TBC1D12: variants seen among roughly 807,000 people sequenced by gnomAD.
The protein encoded by TBC1D12 is TBC1 domain family, member 12.
Under a neutral mutation model 86.7 loss-of-function variants are expected in TBC1D12, and 56 were observed. The observed-to-expected ratio is 0.65, with a 90% CI of 0.52 to 0.81. The LOEUF (loss-of-function observed/expected upper bound fraction) is 0.81. TBC1D12 is among the 30% of genes least tolerant of loss of function. TBC1D12 has a pLI of 0.00. For synonymous variants in TBC1D12, 421 were observed against 411.7 expected (o/e 1.02, Z -0.27); for missense variants, 1,023 against 1,038.8 (o/e 0.98, Z 0.21).
chr10:94,529,219 G>A (rs558999035), intron 11 of TBC1D12, among the ~76,000 whole-genome samples: 2 of 152,210 alleles, frequency 1.3e-5, no homozygotes, highest in South Asian at 2.1e-4. Flanking sequence ...TGTTGCCCAG[G>A]CTGGCCTTGA....
intron 1 of TBC1D12, 55 bp downstream of exon 1, chr10:94,403,639 G>C (rs1217572756): frequency 2.3e-5 from 32 of 1,403,950 alleles, no homozygotes; most frequent in Non-Finnish European, 2.8e-5. Flanking sequence ...GGCCGGAGCC[G>C]GGGTCTTGGT....
intron 5 of TBC1D12, among the ~76,000 whole-genome samples, chr10:94,498,099 G>A (rs189724158): frequency 2.6e-4 from 39 of 152,222 alleles, no homozygotes; most frequent in Non-Finnish European, 4.9e-4. Context: ...GATTACAGGC[G>A]TGAGCCACCG....
Position 94,402,701 on chromosome 10 carries a change from A to G in TBC1D12, c.88A>G (p.Arg30Gly). 6.3e-7 allele frequency: 1 copy of G among 1,596,454 alleles called. No homozygotes were observed. The highest frequency in any genetic ancestry group is 1.7e-4 in the Middle Eastern group (1 of 5,948). ...TGCGCCGGACCCCGTGGGCCAGGAC[A>G]GGAAGGTAATCCGGGCCACGGGCGG... Reference protein sequence around the residue: ...VPAPDPVGQDRKVIRATGGFG... With the variant: ...VPAPDPVGQDGKVIRATGGFG... The change falls in exon 1 of 13, where the codon AGG becomes GGG. Residue 30 changes from arginine to glycine, a missense_variant. Physicochemically the swap from Arg to Gly is moderately radical, Grantham distance 125. Coordinates refer to ENST00000225235, the MANE Select transcript of TBC1D12 (RefSeq NM_015188.2).
intron 3 of TBC1D12, among the ~76,000 whole-genome samples, chr10:94,483,696 A>G (rs888913090): frequency 4.0e-5 from 6 of 151,808 alleles, no homozygotes; most frequent in African/African-American, 1.2e-4. Context: ...TAGTTTGCAC[A>G]TATTTTCTCC....
intron 2 of TBC1D12, among the ~76,000 whole-genome samples, chr10:94,442,750 G>A (rs536252772): frequency 2.0e-5 from 3 of 152,224 alleles, no homozygotes; most frequent in African/African-American, 7.2e-5. Context: ...CTTCCCAATT[G>A]TAGTTTACCA....
Position 94,402,790 on chromosome 10 carries a change from C to T in TBC1D12, c.177C>T (p.Asp59=). The part of the protein sequence containing the change: ...PEEADEEEEA[D]EEEETPPRQL... ...AGGCTGACGAGGAGGAGGAGGCTGA[C>T]GAGGAGGAGGAGACGCCGCCTCGGC... The change falls in exon 1 of 13, where the codon GAC becomes GAT. Residue 59 remains aspartate (D), a synonymous_variant. Coordinates refer to ENST00000225235, the MANE Select transcript of TBC1D12 (RefSeq NM_015188.2). 1 of 1,539,578 alleles carries T rather than the reference C, an allele frequency of 6.5e-7. No individual in the cohort carries two copies. Among genetic ancestry groups the T allele is most frequent in the African/African-American group, 1.4e-5 (1 of 72,618 alleles).
intron 1 of TBC1D12, among the ~76,000 whole-genome samples, chr10:94,439,019 G>A (rs1301006775): frequency 6.6e-6 from 1 of 151,904 alleles, no homozygotes; most frequent in Non-Finnish European, 1.5e-5. Context: ...GCCCAGGCTG[G>A]TCTCGAACTC....
At chr10:94,477,146 T>C (rs1189829278) in intron 3 of TBC1D12, among the ~76,000 whole-genome samples, 3 of 152,178 alleles carry the variant, frequency 2.0e-5, no homozygotes, top group African/African-American at 7.2e-5. Flanking sequence ...ATAATATATG[T>C]TATAGCTTTT....
chr10:94,495,356 A>C (rs2134179989), intron 4 of TBC1D12, among the ~76,000 whole-genome samples: 1 of 152,132 alleles, frequency 6.6e-6, no homozygotes, highest in East Asian at 1.9e-4. Context: ...TTTTGTAGAG[A>C]TGATGTATCT....
intron 11 of TBC1D12, among the ~76,000 whole-genome samples, chr10:94,528,304 C>A (rs1001394896): frequency 3.9e-5 from 6 of 152,272 alleles, no homozygotes; most frequent in Admixed American, 3.3e-4. Context: ...TAAATTTACT[C>A]CTAAGTTTAC....
At position 94,438,374 on chromosome 10, in the gene TBC1D12, T is replaced by A. The variant is rs184764840; in HGVS notation, c.972-3522T>A. Among the ~76,000 whole-genome samples the A allele has an allele frequency of 3.4e-3, 515 of 151,946 alleles. 4 individuals carry two copies. The highest frequency in any genetic ancestry group is 0.012 in the African/African-American group (501 of 41,404). ...CCTGACAAAGATTTTCTTAGATATC[T>A]GGCTCCAAAAAAGGAGATCAAAAAG... On this transcript the variant is annotated intron_variant, in intron 1 of 12. Transcript: ENST00000225235.
intron 2 of TBC1D12, among the ~76,000 whole-genome samples, chr10:94,459,606 T>G (rs2055692236): frequency 6.6e-6 from 1 of 152,122 alleles, no homozygotes; most frequent in African/African-American, 2.4e-5. Flanking sequence ...TGGGGGGAGC[T>G]CGGGCATGGC....
intron 1 of TBC1D12, among the ~76,000 whole-genome samples, chr10:94,433,955 A>C (rs1392258570): frequency 2.0e-5 from 3 of 152,296 alleles, no homozygotes; most frequent in Admixed American, 2.0e-4. Context: ...GCTGTAAAAA[A>C]AACAATAAAA....
intron 1 of TBC1D12, among the ~76,000 whole-genome samples, chr10:94,437,508 A>T (rs1224263008): frequency 1.3e-5 from 2 of 151,876 alleles, no homozygotes. Context: ...TTGTATTTTT[A>T]GTAGAGATGG....
intron 12 of TBC1D12, among the ~76,000 whole-genome samples, chr10:94,531,836 T>TATTTTATTTTATGTG: frequency 6.9e-6 from 1 of 145,550 alleles, no homozygotes; most frequent in African/African-American, 2.5e-5. Flanking sequence ...TATTTTATGT[T>TATTTTATTTTATGTG]ATTTTATTTT....
At chr10:94,403,771 T>G (rs1416054746) in intron 1 of TBC1D12, among the ~76,000 whole-genome samples, 187 bp downstream of exon 1, 1 of 152,088 alleles carries the variant, frequency 6.6e-6, no homozygotes, top group Non-Finnish European at 1.5e-5. Flanking sequence ...TGGGTCGGCT[T>G]TGTGTTTCTA....
intron 1 of TBC1D12, among the ~76,000 whole-genome samples, chr10:94,417,203 G>T (rs2055010487): frequency 6.6e-6 from 1 of 152,162 alleles, no homozygotes; most frequent in Non-Finnish European, 1.5e-5. Context: ...GTTTATGGGT[G>T]TTTGTCAGTC....
intron 9 of TBC1D12, among the ~76,000 whole-genome samples, chr10:94,517,626 A>G (rs1476779860): frequency 6.6e-6 from 1 of 152,230 alleles, no homozygotes; most frequent in Non-Finnish European, 1.5e-5. Context: ...AACTGGTGGT[A>G]TCAAGGCTCA....
rs1404489614 is a variant in TBC1D12, at chr10:94,535,677, C to G, written c.*2581C>G. The G allele has an allele frequency of 6.6e-6, 1 of 152,078 alleles. No homozygotes were observed. Among genetic ancestry groups the G allele is most frequent in the Non-Finnish European group, 1.5e-5 (1 of 67,998 alleles). 9.4% of individuals were successfully genotyped at this position (152,078 alleles called of 1,614,324 possible). A position where few individuals can be genotyped will look rare whatever the true frequency, so the allele number is the denominator to read the frequency against. ...GTAACTACTTCCTTGGTATTGGTAT[C>G]CTTGATAGAGGGAATATAACATCTG... On this transcript the variant is annotated 3_prime_UTR_variant, in exon 13 of 13. Transcript: ENST00000225235.
Sources: allele counts gnomAD v4.1 joint callset (sites outside exome capture counted in the v4.1 genomes callset), GRCh38; gene constraint gnomAD v4.1.1; transcripts MANE v1.5; gene names NCBI Gene and HGNC (gene_info 2026-07-23, HGNC 2026-07-21).